OR2F1: variants seen among roughly 807,000 people sequenced by gnomAD.
OR2F1 encodes olfactory receptor family 2 subfamily F member 1.
For synonymous variants in OR2F1, 146 were observed against 155.3 expected, an observed-to-expected ratio of 0.94 and a Z score of 0.44; for missense variants, 389 against 378.2, an observed-to-expected ratio of 1.03 and a Z score of -0.24.
At position 143,961,867 on chromosome 7, in the gene OR2F1, G is replaced by A. The variant is rs951601994; in HGVS notation, c.*943G>A. The A allele has an allele frequency of 6.6e-6, 1 of 152,132 alleles. No individual in the cohort carries two copies. The highest frequency in any genetic ancestry group is 1.5e-5 in the Non-Finnish European group (1 of 68,028). 9.4% of individuals were successfully genotyped at this position (152,132 alleles called of 1,614,324 possible). Reference sequence around the variant, plus strand: ...TATGAAGTTTGGAACGTCAAGGAAGGTCAGTCAACTATGCAAATGTTACCC... The same window carrying A: ...TATGAAGTTTGGAACGTCAAGGAAGATCAGTCAACTATGCAAATGTTACCC... On this transcript the variant is annotated 3_prime_UTR_variant, in exon 3 of 3. Coordinates refer to ENST00000641412, the MANE Select transcript of OR2F1 (RefSeq NM_012369.3).
In OR2F1 at chr7:143,960,195, A is replaced by G. The variant is rs753301206; in HGVS notation, c.225A>G (p.Thr75=). 1 of 1,614,120 alleles carries G rather than the reference A, an allele frequency of 6.2e-7. No individual in the cohort carries two copies. The highest frequency in any genetic ancestry group is 1.7e-5 in the Admixed American group (1 of 60,020). ...CCCTTGTCGATGTCTCCTATGCCAC[A>G]AGTGTAGTCCCTCAGCTGCTGGCAC... is the stretch of plus-strand genomic sequence containing the variant. ...NLSLVDVSYA[T]SVVPQLLAHF... is the part of the protein sequence containing the mutation. Residue 75 remains threonine, a synonymous_variant, in exon 3 of 3, where the codon ACA becomes ACG. Transcript: ENST00000641412.
At position 143,964,001 on chromosome 7, in the gene OR2F1, A is replaced by G. The variant is rs1315875617; in HGVS notation, c.*3077A>G. Reference sequence around the variant, plus strand: ...CCAATCAAGTTGATGGTCAATATTAACCATCATATATTCCATCTATTAAAT... The same window carrying G: ...CCAATCAAGTTGATGGTCAATATTAGCCATCATATATTCCATCTATTAAAT... On this transcript the variant is annotated 3_prime_UTR_variant, in exon 3 of 3. Transcript: ENST00000641412. The G allele has an allele frequency of 6.6e-6, 1 of 152,090 alleles. No homozygotes were observed. Among genetic ancestry groups the G allele is most frequent in the Non-Finnish European group, 1.5e-5 (1 of 68,008 alleles). The allele number at this position is 152,090 out of a possible 1,614,324, so 9.4% of individuals were successfully genotyped here. A position where few individuals can be genotyped will look rare whatever the true frequency, so the allele number is the denominator to read the frequency against.
Position 143,960,076 on chromosome 7 carries a change from G to C in OR2F1, c.106G>C (p.Val36Leu), listed in dbSNP as rs767604099. 3.7e-6 allele frequency: 6 copies of C among 1,614,022 alleles called. No homozygotes were observed. The highest frequency in any genetic ancestry group is 5.1e-6 in the Non-Finnish European group (6 of 1,180,024). ...GTTTGTCCTGTTCTTGGTCATGTAT[G>C]TGGTGACCGTGCTGGGGAACTGTCT... Reference protein sequence around the residue: ...SLFVLFLVMYVVTVLGNCLIV... With the variant: ...SLFVLFLVMYLVTVLGNCLIV... Residue 36 changes from valine to leucine, a missense_variant, in exon 3 of 3, where the codon GTG becomes CTG. Coordinates refer to ENST00000641412, the MANE Select transcript of OR2F1 (RefSeq NM_012369.3).
At chr7:143,958,396 A>G (rs1244213577) in intron 1 of OR2F1, among the ~76,000 whole-genome samples, 1 of 152,182 alleles carries the variant, frequency 6.6e-6, no homozygotes, top group African/African-American at 2.4e-5. Flanking sequence ...ACAGAGCAGT[A>G]AAGGAGGAAA....
intron 2 of OR2F1, 54 bp from the exon 3 acceptor site, chr7:143,959,894 A>G (rs1424587884): frequency 1.7e-6 from 2 of 1,205,564 alleles, no homozygotes; most frequent in Non-Finnish European, 2.4e-6. Flanking sequence ...CATTCAAACA[A>G]GTAATTCTTA....
Position 143,963,331 on chromosome 7 carries a change from A to G in OR2F1, c.*2407A>G, listed in dbSNP as rs1481310602. ...ACCATCACACAATCCTTTGCCTTCA[A>G]ACAACTCCTAAGCATGTTGGGGTTC... is the stretch of plus-strand genomic sequence containing the variant. On this transcript the variant is annotated 3_prime_UTR_variant, in exon 3 of 3. Coordinates refer to ENST00000641412, the MANE Select transcript of OR2F1 (RefSeq NM_012369.3). 6.6e-6 allele frequency: 1 copy of G among 152,210 alleles called. No homozygotes were observed. Among genetic ancestry groups the G allele is most frequent in the Admixed American group, 6.5e-5 (1 of 15,282 alleles). The allele number at this position is 152,210 out of a possible 1,614,324, so 9.4% of individuals were successfully genotyped here.
rs2050343698 is a variant in OR2F1 at position 143,963,303 on chromosome 7, T to C, written c.*2379T>C. On this transcript the variant is annotated 3_prime_UTR_variant, in exon 3 of 3. Coordinates refer to ENST00000641412, the MANE Select transcript of OR2F1 (RefSeq NM_012369.3). Reference sequence around the variant, plus strand: ...TCACGGTGTTCGTGACATTTCTCCATCAACCATCACACAATCCTTTGCCTT... The same window carrying C: ...TCACGGTGTTCGTGACATTTCTCCACCAACCATCACACAATCCTTTGCCTT... The C allele has an allele frequency of 2.0e-5, 3 of 152,156 alleles. No homozygotes were observed. Among genetic ancestry groups the C allele is most frequent in the Non-Finnish European group, 4.4e-5 (3 of 68,012 alleles). 9.4% of individuals were successfully genotyped at this position (152,156 alleles called of 1,614,324 possible).
At chr7:143,957,918 T>TA (rs1295370896) in intron 1 of OR2F1, among the ~76,000 whole-genome samples, 3 of 152,168 alleles carry the variant, frequency 2.0e-5, no homozygotes, top group Non-Finnish European at 4.4e-5. Flanking sequence ...CAGGAGCTGT[T>TA]AGACTCTGAA....
Position 143,960,880 on chromosome 7 carries a change from C to A in OR2F1, c.910C>A (p.Leu304Ile). The A allele has an allele frequency of 6.2e-7, 1 of 1,613,066 alleles. No individual in the cohort carries two copies. Among genetic ancestry groups the A allele is most frequent in the Non-Finnish European group, 8.5e-7 (1 of 1,179,610 alleles). ...AGAGGTGAAGGGGGCCTGGCAGAAA[C>A]TATTATGGAAATTCTCTGGGTTAAC... The part of the protein sequence containing the change: ...NKEVKGAWQK[L>I]LWKFSGLTSK... The change falls in exon 3 of 3, where the codon CTA becomes ATA. Residue 304 changes from leucine (L) to isoleucine (I), a missense_variant. Leu to Ile is a conservative substitution (Grantham distance 5, BLOSUM62 2). Transcript: ENST00000641412.
Position 143,960,632 on chromosome 7 carries a change from T to C in OR2F1, c.662T>C (p.Ile221Thr), listed in dbSNP as rs138558679. Residue 221 changes from isoleucine to threonine, a missense_variant, in exon 3 of 3, where the codon ATC becomes ACC. Ile to Thr is a moderately conservative substitution (Grantham distance 89). Transcript: ENST00000641412. ...FCLVLLSYIQ[I>T]ISTILKIQSR... ...CTGGTTCTTTTGTCCTACATCCAGATCATCTCCACCATCCTAAAGATCCAG... is the reference window on the plus strand; with the variant it reads ...CTGGTTCTTTTGTCCTACATCCAGACCATCTCCACCATCCTAAAGATCCAG... 3.1e-6 allele frequency: 5 copies of C among 1,614,154 alleles called. No individual in the cohort carries two copies. In the East Asian group the frequency reaches 1.1e-4, roughly 36 times the overall value.
rs1204221148 is a variant in OR2F1 at position 143,963,358 on chromosome 7, T to C, written c.*2434T>C. ...CAACTCCTAAGCATGTTGGGGTTCT[T>C]CCTGGAAGGGTTATCCAAGTCTTGA... On this transcript the variant is annotated 3_prime_UTR_variant, in exon 3 of 3. Transcript: ENST00000641412. 6.6e-6 allele frequency: 1 copy of C among 152,198 alleles called. No homozygotes were observed. The highest frequency in any genetic ancestry group is 2.1e-4 in the South Asian group (1 of 4,834). 9.4% of individuals were successfully genotyped at this position (152,198 alleles called of 1,614,324 possible).
Position 143,960,074 on chromosome 7 carries a change from A to T in OR2F1, c.104A>T (p.Tyr35Phe), listed in dbSNP as rs1327299948. 6.2e-7 allele frequency: 1 copy of T among 1,613,940 alleles called. No individual in the cohort carries two copies. The highest frequency in any genetic ancestry group is 1.7e-5 in the Admixed American group (1 of 59,988). ...VSLFVLFLVM[Y>F]VVTVLGNCLI... ...CTGTTTGTCCTGTTCTTGGTCATGTATGTGGTGACCGTGCTGGGGAACTGT... is the reference window on the plus strand; with the variant it reads ...CTGTTTGTCCTGTTCTTGGTCATGTTTGTGGTGACCGTGCTGGGGAACTGT... Residue 35 changes from tyrosine (Y) to phenylalanine (F), a missense_variant, in exon 3 of 3, where the codon TAT (tyrosine) becomes TTT (phenylalanine). Coordinates refer to ENST00000641412, the MANE Select transcript of OR2F1 (RefSeq NM_012369.3).
rs1481019198 is a variant in OR2F1 at position 143,962,757 on chromosome 7, G to A, written c.*1833G>A. 2.0e-5 allele frequency: 3 copies of A among 152,164 alleles called. No individual in the cohort carries two copies. The highest frequency in any genetic ancestry group is 2.4e-5 in the African/African-American group (1 of 41,428). The allele number at this position is 152,164 out of a possible 1,614,324, so 9.4% of individuals were successfully genotyped here. ...ACACGGTCAGATCCTGGAAGGCGTCGAATGTCTAAGTATCTTTTAACTTTA... is the reference window on the plus strand; with the variant it reads ...ACACGGTCAGATCCTGGAAGGCGTCAAATGTCTAAGTATCTTTTAACTTTA... On this transcript the variant is annotated 3_prime_UTR_variant, in exon 3 of 3. Coordinates refer to ENST00000641412, the MANE Select transcript of OR2F1 (RefSeq NM_012369.3).
intron 1 of OR2F1, among the ~76,000 whole-genome samples, chr7:143,957,650 T>C (rs1370558491): frequency 1.3e-5 from 2 of 151,908 alleles, no homozygotes; most frequent in Admixed American, 1.3e-4. Flanking sequence ...CTGAGGATAG[T>C]AGAGAGGGAG....
Position 143,960,433 on chromosome 7 carries a change from A to G in OR2F1, c.463A>G (p.Ser155Gly), listed in dbSNP as rs1349825358. 9.3e-6 allele frequency: 15 copies of G among 1,614,000 alleles called. No individual in the cohort carries two copies. Among genetic ancestry groups the G allele is most frequent in the Non-Finnish European group, 1.3e-5 (15 of 1,180,034 alleles). The change falls in exon 3 of 3, where the codon AGC (serine) becomes GGC (glycine). Residue 155 changes from serine (S) to glycine (G), a missense_variant. By Grantham distance (56) the Ser-to-Gly change is moderately conservative (BLOSUM62 0). Coordinates refer to ENST00000641412, the MANE Select transcript of OR2F1 (RefSeq NM_012369.3). Reference sequence around the variant, plus strand: ...CACATCCTGGGTCAGTGGCTTCATCAGCTCTCCTGTGCAGACTGCTATCAC... The same window carrying G: ...CACATCCTGGGTCAGTGGCTTCATCGGCTCTCCTGTGCAGACTGCTATCAC... ...AITSWVSGFI[S>G]SPVQTAITFQ...
In OR2F1 at chr7:143,960,633, C is replaced by T; in HGVS notation, c.663C>T (p.Ile221=). Residue 221 remains isoleucine (I), a synonymous_variant, in exon 3 of 3, where the codon ATC becomes ATT. Transcript: ENST00000641412. ...TGGTTCTTTTGTCCTACATCCAGAT[C>T]ATCTCCACCATCCTAAAGATCCAGT... ...FCLVLLSYIQ[I]ISTILKIQSR... 6.2e-7 allele frequency: 1 copy of T among 1,614,114 alleles called. No homozygotes were observed. The highest frequency in any genetic ancestry group is 8.5e-7 in the Non-Finnish European group (1 of 1,180,030).
At chr7:143,957,227 C>T (rs2050292147) in intron 1 of OR2F1, among the ~76,000 whole-genome samples, 2 of 152,274 alleles carry the variant, frequency 1.3e-5, no homozygotes, top group Middle Eastern at 3.4e-3. Flanking sequence ...AATGCTCATA[C>T]AGCAGAGCAG....
In OR2F1 at chr7:143,956,042, G is replaced by A. The variant is rs74969190; in HGVS notation, c.-180+939G>A. 9.7e-3 allele frequency among the ~76,000 whole-genome samples: 1,484 copies of A among 152,228 alleles called. 23 individuals are homozygous for A. Among genetic ancestry groups the A allele is most frequent in the African/African-American group, 0.034 (1,419 of 41,558 alleles). On this transcript the variant is annotated intron_variant, in intron 1 of 2. Coordinates refer to ENST00000641412, the MANE Select transcript of OR2F1 (RefSeq NM_012369.3). ...TTAAGAGGTTTTGGTAGTTGTGTTT[G>A]TACAGACAAATTGAAGAAATATTCT... is the stretch of plus-strand genomic sequence containing the variant.
Position 143,960,848 on chromosome 7 carries a change from G to T in OR2F1, c.878G>T (p.Arg293Met). The T allele has an allele frequency of 1.2e-6, 2 of 1,614,046 alleles. No individual in the cohort carries two copies. The highest frequency in any genetic ancestry group is 1.1e-5 in the South Asian group (1 of 91,056). The change falls in exon 3 of 3, where the codon AGG (arginine) becomes ATG (methionine). Residue 293 changes from arginine (R) to methionine (M), a missense_variant. Coordinates refer to ENST00000641412, the MANE Select transcript of OR2F1 (RefSeq NM_012369.3). ...CTGAACCCCATGATTTACAGCCTAA[G>T]GAATAAAGAGGTGAAGGGGGCCTGG... ...PMLNPMIYSL[R>M]NKEVKGAWQK...
Sources: gnomAD v4.1 joint callset for allele counts (sites outside exome capture counted in the v4.1 genomes callset) on GRCh38, gnomAD v4.1.1 for gene constraint, MANE v1.5 for transcripts, NCBI Gene and HGNC (gene_info 2026-07-23, HGNC 2026-07-21) for gene names.